OR10A2: variants seen among roughly 807,000 people sequenced by gnomAD.
OR10A2 encodes olfactory receptor family 10 subfamily A member 2, also known as olfactory receptor 10A2.
In OR10A2, 15 loss-of-function variants were observed where a neutral mutation model predicts 13.7. That is an observed-to-expected ratio of 1.10 (90% CI 0.73 to 1.69). The LOEUF is 1.69. Ranked by LOEUF, OR10A2 falls within the 40% of genes most tolerant of loss-of-function variation. The probability of loss-of-function intolerance (pLI) is 0.00; values close to 1 mark genes in which losing one functional copy is unlikely to be tolerated. For synonymous variants in OR10A2, 145 were observed against 144.7 expected (o/e 1.00, Z -0.02); for missense variants, 343 against 361.1 (o/e 0.95, Z 0.41).
chr11:6,863,129 C>T lies in OR10A2; in HGVS notation c.-355C>T, dbSNP rs1349761589. Reference sequence around the variant, plus strand: ...AACCAGGACTGGGAGCATGGCCAAACTTCATAGTGAGCTTACTTGCCTCTG... The same window carrying T: ...AACCAGGACTGGGAGCATGGCCAAATTTCATAGTGAGCTTACTTGCCTCTG... On this transcript the variant is annotated 5_prime_UTR_variant, in exon 1 of 2. Coordinates refer to ENST00000641461, the MANE Select transcript of OR10A2 (RefSeq NM_001004460.2). The T allele has an allele frequency of 1.3e-5, 2 of 152,254 alleles. No individual in the cohort carries two copies. Among genetic ancestry groups the T allele is most frequent in the Non-Finnish European group, 2.9e-5 (2 of 68,090 alleles). 9.4% of individuals were successfully genotyped at this position (152,254 alleles called of 1,614,324 possible).
Position 6,865,294 on chromosome 11 carries a change from T to C in OR10A2, c.-133+1943T>C, listed in dbSNP as rs1380445242. Reference sequence around the variant, plus strand: ...TTTGCATATAGCCTTTCAGTCTTTTTATATAGCATATATTTTTAAAATTGT... The same window carrying C: ...TTTGCATATAGCCTTTCAGTCTTTTCATATAGCATATATTTTTAAAATTGT... On this transcript the variant is annotated intron_variant, in intron 1 of 1. Coordinates refer to ENST00000641461, the MANE Select transcript of OR10A2 (RefSeq NM_001004460.2). Among the ~76,000 whole-genome samples the C allele has an allele frequency of 2.0e-5, 3 of 151,382 alleles. No individual in the cohort carries two copies. The East Asian group carries it at 5.8e-4, about 29-fold the overall frequency.
chr11:6,868,621 T>C (rs1380470999), intron 1 of OR10A2, among the ~76,000 whole-genome samples: 1 of 152,206 alleles, frequency 6.6e-6, no homozygotes. Flanking sequence ...TATCTTTTAC[T>C]TTGTGTCAGT....
chr11:6,870,737 A>C lies in OR10A2; in HGVS notation c.*71A>C. ...TCCCAGATTTGAGATTCCTCTCTGC[A>C]TCTTTCCACATCTCCAATAAGATGA... On this transcript the variant is annotated 3_prime_UTR_variant, in exon 2 of 2. Transcript: ENST00000641461. The C allele has an allele frequency of 8.5e-7, 1 of 1,181,094 alleles. No individual in the cohort carries two copies. The highest frequency in any genetic ancestry group is 2.4e-5 in the Admixed American group (1 of 42,364). 73.2% of individuals were successfully genotyped at this position (1,181,094 alleles called of 1,614,324 possible). A position where few individuals can be genotyped will look rare whatever the true frequency, so the allele number is the denominator to read the frequency against.
intron 1 of OR10A2, among the ~76,000 whole-genome samples, chr11:6,865,030 T>TGC (rs1848369285): frequency 6.9e-6 from 1 of 144,774 alleles, no homozygotes. Context: ...TATATTTATA[T>TGC]ATAAATGAAC....
At chr11:6,868,151 CTG>C (rs771504144) in intron 1 of OR10A2, among the ~76,000 whole-genome samples, 1 of 152,166 alleles carries the variant, frequency 6.6e-6, no homozygotes, top group Non-Finnish European at 1.5e-5. Flanking sequence ...GAGCTAAAAA[CTG>C]TAGACATTGC....
intron 1 of OR10A2, 126 bp downstream of exon 1, chr11:6,863,477 C>T (rs1362163984): frequency 7.2e-6 from 1 of 139,572 alleles, no homozygotes; most frequent in Non-Finnish European, 1.5e-5. Context: ...TAATTCTATT[C>T]TTATGTTCAC....
chr11:6,870,839 C>T lies in OR10A2; in HGVS notation c.*173C>T, dbSNP rs1333314935. The T allele has an allele frequency of 1.9e-6, 1 of 529,596 alleles. No individual in the cohort carries two copies. The highest frequency in any genetic ancestry group is 2.9e-5 in the East Asian group (1 of 34,528). 32.8% of individuals were successfully genotyped at this position (529,596 alleles called of 1,614,324 possible). ...GAGAAGTAGTTTCGACCTAGCACCA[C>T]CAACTATGAAAACTCCTCTGCCTGC... On this transcript the variant is annotated 3_prime_UTR_variant, in exon 2 of 2. Coordinates refer to ENST00000641461, the MANE Select transcript of OR10A2 (RefSeq NM_001004460.2).
rs1199481634 is a variant in OR10A2, at chr11:6,869,682, T to C, written c.-73T>C. 3 of 1,230,040 alleles carry C rather than the reference T, an allele frequency of 2.4e-6. No homozygotes were observed. The highest frequency in any genetic ancestry group is 2.0e-5 in the Admixed American group (1 of 50,624). 76.2% of individuals were successfully genotyped at this position (1,230,040 alleles called of 1,614,324 possible). ...ACTTCCAATCAATAATCTTTCTCCA[T>C]GACCACAGTTGGGGACTTCTGCCCA... On this transcript the variant is annotated 5_prime_UTR_variant, in exon 2 of 2. It removes an upstream start codon present in the reference 5' UTR. Coordinates refer to ENST00000641461, the MANE Select transcript of OR10A2 (RefSeq NM_001004460.2).
chr11:6,868,981 C>A (rs1848401813), intron 1 of OR10A2, among the ~76,000 whole-genome samples: 1 of 152,172 alleles, frequency 6.6e-6, no homozygotes, highest in Non-Finnish European at 1.5e-5. Context: ...AATTCTCCTA[C>A]AAATTAATAA....
At chr11:6,869,012 T>C (rs534880970) in intron 1 of OR10A2, among the ~76,000 whole-genome samples, 1 of 152,358 alleles carries the variant, frequency 6.6e-6, no homozygotes, top group East Asian at 1.9e-4. Flanking sequence ...AGATAAGGCA[T>C]GACAGTCCAA....
rs1848451905 is a variant in OR10A2, at chr11:6,873,000, T to G, written c.*2334T>G. The G allele has an allele frequency of 6.6e-6, 1 of 151,032 alleles. No individual in the cohort carries two copies. Among genetic ancestry groups the G allele is most frequent in the Non-Finnish European group, 1.5e-5 (1 of 67,728 alleles). 9.4% of individuals were successfully genotyped at this position (151,032 alleles called of 1,614,324 possible). On this transcript the variant is annotated 3_prime_UTR_variant, in exon 2 of 2. Transcript: ENST00000641461. ...ATGCCCAACTAATTTTTTTTTTGTATTTTTTAGTAGAGATGCAGTTTTACC... is the reference window on the plus strand; with the variant it reads ...ATGCCCAACTAATTTTTTTTTTGTAGTTTTTAGTAGAGATGCAGTTTTACC...
intron 1 of OR10A2, among the ~76,000 whole-genome samples, chr11:6,867,322 G>A (rs991691155): frequency 4.0e-5 from 6 of 151,740 alleles, no homozygotes; most frequent in East Asian, 1.9e-4. Context: ...TGCAATTCTC[G>A]TGCCTCAGCC....
chr11:6,868,064 T>C (rs1284749404), intron 1 of OR10A2, among the ~76,000 whole-genome samples: 1 of 152,190 alleles, frequency 6.6e-6, no homozygotes, highest in East Asian at 1.9e-4. Context: ...GTGAAAGAGT[T>C]TCTAGTTGAG....
At chr11:6,869,360 GT>G (rs1446086188) in intron 1 of OR10A2, among the ~76,000 whole-genome samples, 3 of 152,166 alleles carry the variant, frequency 2.0e-5, no homozygotes, top group African/African-American at 7.2e-5. Context: ...CACTTGGTGT[GT>G]TTCATAAGTT....
At chr11:6,865,012 AT>A (rs201835217) in intron 1 of OR10A2, among the ~76,000 whole-genome samples, 46,891 of 144,650 alleles carry the variant, frequency 0.32, 8,114 homozygotes, top group South Asian at 0.41. Context: ...ATAAATATAT[AT>A]TAAATATATA....
In OR10A2 at chr11:6,870,585, C is replaced by T. The variant is rs1201201027; in HGVS notation, c.831C>T (p.Tyr277=). ...CTCCCATGTTGAACCCCATTATCTA[C>T]AGCCTGAGAAATAACGAGGTGAAGA... ...VMTPMLNPII[Y]SLRNNEVKNA... The change falls in exon 2 of 2, where the codon TAC becomes TAT. Residue 277 remains tyrosine (Y), a synonymous_variant. Coordinates refer to ENST00000641461, the MANE Select transcript of OR10A2 (RefSeq NM_001004460.2). The T allele has an allele frequency of 6.2e-6, 10 of 1,613,944 alleles. No individual in the cohort carries two copies. Among genetic ancestry groups the T allele is most frequent in the Non-Finnish European group, 7.6e-6 (9 of 1,179,904 alleles).
chr11:6,868,234 T>C (rs1186885688), intron 1 of OR10A2, among the ~76,000 whole-genome samples: 1 of 152,188 alleles, frequency 6.6e-6, no homozygotes, highest in Non-Finnish European at 1.5e-5. Flanking sequence ...AAGAATGGTG[T>C]TTTTTCCTTC....
Position 6,869,658 on chromosome 11 carries a change from C to A in OR10A2, c.-97C>A. The stretch of plus-strand genomic sequence containing the variant: ...TCTGAAAAACAAATTGAGAATCTGA[C>A]TTCCAATCAATAATCTTTCTCCATG... On this transcript the variant is annotated 5_prime_UTR_variant, in exon 2 of 2. Transcript: ENST00000641461. The A allele has an allele frequency of 1.9e-6, 2 of 1,075,542 alleles. No homozygotes were observed. The highest frequency in any genetic ancestry group is 2.8e-6 in the Non-Finnish European group (2 of 723,850). The allele number at this position is 1,075,542 out of a possible 1,614,324, so 66.6% of individuals were successfully genotyped here.
chr11:6,867,210 A>ATATTATTATTAT (rs143148199), intron 1 of OR10A2, among the ~76,000 whole-genome samples: 3 of 150,466 alleles, frequency 2.0e-5, no homozygotes, highest in Non-Finnish European at 4.4e-5. Context: ...TCAATATTCT[A>ATATTATTATTAT]TATTATTATT....
Sources: allele counts gnomAD v4.1 joint callset (sites outside exome capture counted in the v4.1 genomes callset), GRCh38; gene constraint gnomAD v4.1.1; transcripts MANE v1.5; gene names NCBI Gene and HGNC (gene_info 2026-07-23, HGNC 2026-07-21).